Variants in ARSF observed in about 807,000 individuals in gnomAD.
ARSF encodes the protein arylsulfatase F.
In ARSF, 33 loss-of-function variants were observed where a neutral mutation model predicts 35.4. The observed-to-expected ratio is 0.93, with a 90% CI of 0.71 to 1.25. The LOEUF (loss-of-function observed/expected upper bound fraction) is 1.25. Among genes scored for constraint, ARSF ranks in the 50% most tolerant of loss-of-function variants. ARSF has a pLI of 0.00. For synonymous variants in ARSF, 222 were observed against 193.1 expected (o/e 1.15, Z -1.24); for missense variants, 501 against 480.2 (o/e 1.04, Z -0.40).
intron 5 of ARSF, 97 bp downstream of exon 5, chrX:3,081,110 A>G: frequency 9.2e-7 from 1 of 1,088,525 alleles, no homozygotes. Flanking sequence ...GCTGTATTTT[A>G]CAATGTCTTA....
chrX:3,079,020 A>C, intron 4 of ARSF, among the ~76,000 whole-genome samples: 1 of 110,454 alleles, frequency 9.1e-6, no homozygotes. Flanking sequence ...ATTTCACATA[A>C]AAGGAATCAT....
At chrX:3,057,034 T>C (rs1041895693) in intron 1 of ARSF, among the ~76,000 whole-genome samples, 1 of 111,675 alleles carries the variant, frequency 9.0e-6, no homozygotes, top group Non-Finnish European at 1.9e-5. Context: ...TTATAAATAT[T>C]CCATGAACAA....
chrX:3,078,805 T>C (rs2090173275), intron 4 of ARSF, among the ~76,000 whole-genome samples: 1 of 111,311 alleles, frequency 9.0e-6, no homozygotes, highest in South Asian at 3.8e-4. Context: ...TGGCCAAAAG[T>C]AGCTATTTTT....
chrX:3,047,993 C>T (rs1282391851), intron 1 of ARSF, among the ~76,000 whole-genome samples: 13 of 110,741 alleles, frequency 1.2e-4, no homozygotes, highest in East Asian at 2.8e-4. Context: ...GAGAGCCAAG[C>T]GAAAGGAGTT....
chrX:3,093,033 G>A (rs1471646795), intron 7 of ARSF, among the ~76,000 whole-genome samples: 22 of 110,781 alleles, frequency 2.0e-4, no homozygotes, highest in African/African-American at 5.3e-4. Flanking sequence ...ATCCGTGGTG[G>A]CGGGCGTCTG....
rs180779974 is a variant in ARSF, at chrX:3,064,360, C to T, written c.-28-3713C>T. On this transcript the variant is annotated intron_variant, in intron 1 of 10. Transcript: ENST00000381127. ...AAACCATAAAAACCCTAGAAGAAAACCTAGGCAATACCATTCAGGACATAG... is the reference window on the plus strand; with the variant it reads ...AAACCATAAAAACCCTAGAAGAAAATCTAGGCAATACCATTCAGGACATAG... 9.4e-3 allele frequency among the ~76,000 whole-genome samples: 1,057 copies of T among 111,874 alleles called. 16 individuals are homozygous for T. The highest frequency in any genetic ancestry group is 0.032 in the African/African-American group (1,001 of 30,852).
chrX:3,091,620 A>G (rs2090290924), intron 7 of ARSF, among the ~76,000 whole-genome samples: 1 of 112,745 alleles, frequency 8.9e-6, no homozygotes, highest in Non-Finnish European at 1.9e-5. Context: ...TAAACACATA[A>G]AAAATATGAA....
intron 9 of ARSF, 69 bp downstream of exon 9, chrX:3,103,993 A>C: frequency 8.9e-7 from 1 of 1,118,457 alleles, no homozygotes; most frequent in Non-Finnish European, 1.2e-6. Flanking sequence ...ATTCAGAACA[A>C]GGAGACTGAC....
In ARSF at chrX:3,047,640, C is replaced by T. The variant is rs757009385; in HGVS notation, c.-29+5977C>T. Reference sequence around the variant, plus strand: ...TGGCCAGCCTGGTGGACTAGGTAAACACCACTACAAGGTCTGTTTATCCTG... The same window carrying T: ...TGGCCAGCCTGGTGGACTAGGTAAATACCACTACAAGGTCTGTTTATCCTG... On this transcript the variant is annotated intron_variant, in intron 1 of 10. Coordinates refer to ENST00000381127, the MANE Select transcript of ARSF (RefSeq NM_001201539.2). Among the ~76,000 whole-genome samples, 4 of 110,305 alleles carry T rather than the reference C, an allele frequency of 3.6e-5. No homozygotes were observed. The East Asian group carries it at 1.1e-3, about 32-fold the overall frequency.
chrX:3,041,275 G>GTTCTT (rs202238821), upstream of ARSF, among the ~76,000 whole-genome samples: 5 of 98,395 alleles, frequency 5.1e-5, no homozygotes, highest in African/African-American at 1.5e-4. Flanking sequence ...TTTACTTTTT[G>GTTCTT]TTCTTTTCTT....
At chrX:3,093,505 TG>T (rs1314393782) in intron 7 of ARSF, among the ~76,000 whole-genome samples, 3 of 111,593 alleles carry the variant, frequency 2.7e-5, no homozygotes, top group African/African-American at 9.8e-5. Context: ...TGAGAACATG[TG>T]GTAGTTGGTT....
intron 1 of ARSF, among the ~76,000 whole-genome samples, chrX:3,058,982 C>T (rs1292691245): frequency 8.9e-6 from 1 of 112,087 alleles, no homozygotes; most frequent in Non-Finnish European, 1.9e-5. Context: ...AAGAAGTCCT[C>T]AAAGTGAATA....
chrX:3,102,015 C>T (rs1257032492), intron 8 of ARSF, among the ~76,000 whole-genome samples: 1 of 111,546 alleles, frequency 9.0e-6, no homozygotes, highest in Non-Finnish European at 1.9e-5. Flanking sequence ...GAGGTAAAGG[C>T]TCTGCCTCCA....
intron 1 of ARSF, among the ~76,000 whole-genome samples, chrX:3,065,724 G>C (rs1603464232): frequency 1.8e-5 from 2 of 109,800 alleles, no homozygotes; most frequent in Admixed American, 2.0e-4. Flanking sequence ...TATTATTTTG[G>C]TGTTTTTAGA....
chrX:3,071,974 T>G (rs1362950056), intron 2 of ARSF, 52 bp from the exon 3 acceptor site: 1 of 1,176,355 alleles, frequency 8.5e-7, no homozygotes, highest in African/African-American at 1.8e-5. Context: ...AGGTGGATCC[T>G]GAATCCACCC....
At position 3,054,738 on chromosome X, in the gene ARSF, CT is replaced by C. The variant is rs767658220; in HGVS notation, c.-29+13089del. Among the ~76,000 whole-genome samples, 263 of 99,020 alleles carry C rather than the reference CT, an allele frequency of 2.7e-3. 1 individual carries two copies. The highest frequency in any genetic ancestry group is 0.015 in the South Asian group (31 of 2,121). 86.0% of individuals were successfully genotyped at this position (99,020 alleles called of 115,157 possible). On this transcript the variant is annotated intron_variant, in intron 1 of 10. Transcript: ENST00000381127. The stretch of plus-strand genomic sequence containing the variant: ...TAGGATGGATGCATGAAACTGCTCT[CT>C]TTTTTTTTTTTTTGGTAGAGTTTTG...
At chrX:3,052,553 G>A (rs912046486) in intron 1 of ARSF, among the ~76,000 whole-genome samples, 2 of 110,584 alleles carry the variant, frequency 1.8e-5, no homozygotes, top group African/African-American at 6.6e-5. Context: ...TTCAGCCTGG[G>A]CACGGTCAGT....
At position 3,048,417 on chromosome X, in the gene ARSF, G is replaced by A. The variant is rs149250862; in HGVS notation, c.-29+6754G>A. On this transcript the variant is annotated intron_variant, in intron 1 of 10. Transcript: ENST00000381127. ...CTTCCAAGGCTCCCCTGAGACAAAT[G>A]CTTATCTGATAACTTCCTCTGCCTC... 4.7e-3 allele frequency among the ~76,000 whole-genome samples: 532 copies of A among 112,344 alleles called. 3 individuals are homozygous for A. Among genetic ancestry groups the A allele is most frequent in the African/African-American group, 0.016 (507 of 30,998 alleles).
chrX:3,069,338 C>T (rs114076871), intron 2 of ARSF, among the ~76,000 whole-genome samples: 3,155 of 109,955 alleles, frequency 0.029, 36 homozygotes, highest in Middle Eastern at 0.07. Context: ...CACACTTTTT[C>T]TTCTTTTGAG....
Sources: allele counts gnomAD v4.1 joint callset (sites outside exome capture counted in the v4.1 genomes callset), GRCh38; gene constraint gnomAD v4.1.1; transcripts MANE v1.5; gene names NCBI Gene and HGNC (gene_info 2026-07-23, HGNC 2026-07-21).